UNC5D: variants seen among roughly 807,000 people sequenced by gnomAD.
UNC5D encodes netrin receptor UNC5D.
Under a neutral mutation model 105.4 loss-of-function variants are expected in UNC5D, and 39 were observed. The ratio of observed to expected loss-of-function variants is 0.37; its 90% CI spans 0.29 to 0.48. The LOEUF (loss-of-function observed/expected upper bound fraction) is 0.48, where lower values mean the gene tolerates loss of function less well. UNC5D is among the 20% of genes least tolerant of loss of function. The pLI is 0.98. For synonymous variants in UNC5D, 452 were observed against 450.4 expected (o/e 1.00, Z -0.04); for missense variants, 991 against 1,202.4 (o/e 0.82, Z 2.60).
chr8:35,717,965 A>G (rs1248593920), intron 8 of UNC5D, among the ~76,000 whole-genome samples: 1 of 152,174 alleles, frequency 6.6e-6, no homozygotes, highest in African/African-American at 2.4e-5. Context: ...CTCTCGATTA[A>G]TCTTTTCAGC....
chr8:35,698,970 T>C lies in UNC5D; in HGVS notation c.1085-6959T>C, dbSNP rs148162405. Among the ~76,000 whole-genome samples, 9 of 152,314 alleles carry C rather than the reference T, an allele frequency of 5.9e-5. No homozygotes were observed. In the East Asian group the frequency reaches 1.7e-3, roughly 29 times the overall value. On this transcript the variant is annotated intron_variant, in intron 7 of 16. Transcript: ENST00000404895. The stretch of plus-strand genomic sequence containing the variant: ...AATTCATAGGTTAGAAAAAGGACTT[T>C]ATTATGCATCTTCCCTTGGAGCAGA...
chr8:35,520,689 G>T (rs961098222), intron 1 of UNC5D, among the ~76,000 whole-genome samples: 4 of 151,974 alleles, frequency 2.6e-5, no homozygotes, highest in African/African-American at 9.7e-5. Flanking sequence ...ATACCCATGT[G>T]ATAAAACCAT....
intron 11 of UNC5D, among the ~76,000 whole-genome samples, chr8:35,732,771 A>C (rs773174689): frequency 1.6e-4 from 25 of 152,116 alleles, no homozygotes. Flanking sequence ...TGTTGAGCTC[A>C]TTCCTCTCAA....
intron 1 of UNC5D, among the ~76,000 whole-genome samples, chr8:35,537,145 A>G (rs1017558295): frequency 2.6e-5 from 4 of 152,248 alleles, no homozygotes; most frequent in Admixed American, 2.0e-4. Context: ...TGTGTAAAAC[A>G]TAAAACTTAA....
intron 1 of UNC5D, among the ~76,000 whole-genome samples, chr8:35,448,145 A>C (rs879697013): frequency 7.9e-5 from 12 of 152,084 alleles, no homozygotes; most frequent in Non-Finnish European, 1.5e-4. Context: ...TTAAAAAAAT[A>C]TATATTCTAT....
chr8:35,244,387 G>C (rs1380042932), intron 1 of UNC5D, among the ~76,000 whole-genome samples: 1 of 152,102 alleles, frequency 6.6e-6, no homozygotes, highest in African/African-American at 2.4e-5. Flanking sequence ...CAGGGATGTG[G>C]ATGTATAAGC....
chr8:35,711,239 G>T (rs566861455), intron 8 of UNC5D, among the ~76,000 whole-genome samples: 1 of 152,028 alleles, frequency 6.6e-6, no homozygotes, highest in Admixed American at 6.6e-5. Flanking sequence ...AAGTGCAGTG[G>T]TGCGATCTTG....
At chr8:35,285,291 C>G (rs191003509) in intron 1 of UNC5D, among the ~76,000 whole-genome samples, 2 of 152,136 alleles carry the variant, frequency 1.3e-5, no homozygotes, top group African/African-American at 2.4e-5. Flanking sequence ...AACTTATTTT[C>G]GGGCAAACAC....
At chr8:35,644,246 G>A (rs1055001288) in intron 4 of UNC5D, among the ~76,000 whole-genome samples, 2 of 152,118 alleles carry the variant, frequency 1.3e-5, no homozygotes, top group Non-Finnish European at 2.9e-5. Context: ...AGGGAGGGTT[G>A]AGACAGAAGT....
chr8:35,568,984 CTT>C (rs1481634194), intron 3 of UNC5D, among the ~76,000 whole-genome samples: 2 of 150,788 alleles, frequency 1.3e-5, no homozygotes, highest in Non-Finnish European at 1.5e-5. Flanking sequence ...TGTTCAATCT[CTT>C]CTCTCTGAAT....
At chr8:35,480,264 CAGTAATATATGT>C (rs1810394093) in intron 1 of UNC5D, among the ~76,000 whole-genome samples, 1 of 152,092 alleles carries the variant, frequency 6.6e-6, no homozygotes, top group Admixed American at 6.6e-5. Context: ...AAGTCATAAA[CAGTAATATATGT>C]ATTGCCACTT....
intron 1 of UNC5D, among the ~76,000 whole-genome samples, chr8:35,252,604 C>G (rs1473314428): frequency 6.6e-6 from 1 of 152,032 alleles, no homozygotes; most frequent in Non-Finnish European, 1.5e-5. Flanking sequence ...GATTCACTTC[C>G]CTGAAGTACA....
chr8:35,434,911 G>C (rs1806905531), intron 1 of UNC5D, among the ~76,000 whole-genome samples: 1 of 152,040 alleles, frequency 6.6e-6, no homozygotes, highest in Non-Finnish European at 1.5e-5. Context: ...ATATGAACCA[G>C]TTCTTGGTCT....
intron 1 of UNC5D, among the ~76,000 whole-genome samples, chr8:35,534,243 T>C (rs1814663481): frequency 6.6e-6 from 1 of 152,186 alleles, no homozygotes; most frequent in African/African-American, 2.4e-5. Flanking sequence ...GATGAGCAAC[T>C]CGTAATGCTG....
chr8:35,573,371 A>C (rs1817877575), intron 3 of UNC5D, among the ~76,000 whole-genome samples: 1 of 151,988 alleles, frequency 6.6e-6, no homozygotes, highest in Admixed American at 6.5e-5. Flanking sequence ...TGAGCCTAGG[A>C]GTTTTGGGGC....
chr8:35,539,943 C>T (rs1263735269), intron 1 of UNC5D, among the ~76,000 whole-genome samples: 1 of 152,078 alleles, frequency 6.6e-6, no homozygotes, highest in East Asian at 1.9e-4. Flanking sequence ...TAAAGCTCTT[C>T]CTGAAAGGTA....
At chr8:35,784,640 C>T (rs1034000786) in intron 16 of UNC5D, among the ~76,000 whole-genome samples, 1 of 151,838 alleles carries the variant, frequency 6.6e-6, no homozygotes, top group African/African-American at 2.4e-5. Context: ...CCCTGCTACT[C>T]GGGAGGCTGA....
intron 4 of UNC5D, among the ~76,000 whole-genome samples, chr8:35,641,397 A>C (rs545690283): frequency 2.1e-3 from 319 of 151,044 alleles, no homozygotes; most frequent in African/African-American, 7.3e-3. Flanking sequence ...AAAAAAAAAA[A>C]CAGCATCTAC....
At chr8:35,572,485 G>A (rs2130804440) in intron 3 of UNC5D, among the ~76,000 whole-genome samples, 1 of 152,072 alleles carries the variant, frequency 6.6e-6, no homozygotes. Flanking sequence ...TGATTTTAAA[G>A]GGAAATAATA....
Sources: allele counts gnomAD v4.1 joint callset (sites outside exome capture counted in the v4.1 genomes callset), GRCh38; gene constraint gnomAD v4.1.1; transcripts MANE v1.5; gene names NCBI Gene and HGNC (gene_info 2026-07-23, HGNC 2026-07-21).